The following ST6GALNAC5 variants were observed in gnomAD, a reference collection of about 807,000 sequenced individuals.
ST6GALNAC5 encodes the protein alpha-N-acetylgalactosaminide alpha-2,6-sialyltransferase 5.
Under a neutral mutation model 33.6 loss-of-function variants are expected in ST6GALNAC5, and 27 were observed. The observed-to-expected ratio is 0.80, with a 90% CI of 0.59 to 1.11. The LOEUF (loss-of-function observed/expected upper bound fraction) is 1.11, where lower values mean the gene tolerates loss of function less well. ST6GALNAC5 is among the 50% of genes least tolerant of loss of function. The probability of loss-of-function intolerance (pLI) is 0.00; values close to 1 mark genes in which losing one functional copy is unlikely to be tolerated. For missense variants in ST6GALNAC5, 428 were observed against 454.0 expected (o/e 0.94, Z 0.52); for synonymous variants, 194 against 171.2 (o/e 1.13, Z -1.04).
chr1:76,960,791 G>C (rs1052333843), intron 2 of ST6GALNAC5, among the ~76,000 whole-genome samples: 3 of 152,192 alleles, frequency 2.0e-5, no homozygotes, highest in African/African-American at 4.8e-5. Flanking sequence ...CTCACCAGCG[G>C]TCAGAGTTTA....
chr1:77,057,079 C>A (rs1168586230), intron 4 of ST6GALNAC5, among the ~76,000 whole-genome samples: 1 of 152,206 alleles, frequency 6.6e-6, no homozygotes, highest in African/African-American at 2.4e-5. Flanking sequence ...ATTAATTCAA[C>A]TCTATTCTCT....
chr1:76,997,145 A>G (rs1248159213), intron 2 of ST6GALNAC5, among the ~76,000 whole-genome samples: 1 of 152,208 alleles, frequency 6.6e-6, no homozygotes, highest in Admixed American at 6.5e-5. Flanking sequence ...TGCTTTTTTC[A>G]TAGTAGATGA....
At chr1:76,901,929 A>G (rs1404378667) in intron 2 of ST6GALNAC5, among the ~76,000 whole-genome samples, 1 of 152,180 alleles carries the variant, frequency 6.6e-6, no homozygotes, top group Non-Finnish European at 1.5e-5. Context: ...TGCACAGTCA[A>G]CTGAGAAAGT....
intron 2 of ST6GALNAC5, among the ~76,000 whole-genome samples, chr1:76,918,558 C>T (rs759546956): frequency 4.3e-5 from 6 of 138,718 alleles, no homozygotes; most frequent in Non-Finnish European, 9.1e-5. Context: ...GCAGAGCTTG[C>T]AGTGAGCCGA....
chr1:76,929,022 G>C (rs556378039), intron 2 of ST6GALNAC5, among the ~76,000 whole-genome samples: 1 of 152,232 alleles, frequency 6.6e-6, no homozygotes, highest in Admixed American at 6.5e-5. Flanking sequence ...ACGGAGGCCA[G>C]CTTCCTTCAA....
intron 2 of ST6GALNAC5, among the ~76,000 whole-genome samples, chr1:76,985,042 A>T (rs546637267): frequency 1.2e-4 from 18 of 152,292 alleles, no homozygotes; most frequent in Admixed American, 5.2e-4. Context: ...TTTATGACAA[A>T]CCCACACCCA....
chr1:77,014,757 T>C lies in ST6GALNAC5; in HGVS notation c.262-29447T>C, dbSNP rs988131268. On this transcript the variant is annotated intron_variant, in intron 2 of 4. Coordinates refer to ENST00000477717, the MANE Select transcript of ST6GALNAC5 (RefSeq NM_030965.3). ...CACACTGGGACCTGATAAAAGCCTC[T>C]GGTACTTGAGATGAACCACTAGACA... 2.0e-5 allele frequency among the ~76,000 whole-genome samples: 3 copies of C among 152,164 alleles called. No homozygotes were observed. In the East Asian group the frequency reaches 5.8e-4, roughly 29 times the overall value.
At chr1:76,961,230 G>T (rs905146334) in intron 2 of ST6GALNAC5, among the ~76,000 whole-genome samples, 1 of 152,128 alleles carries the variant, frequency 6.6e-6, no homozygotes, top group Admixed American at 6.5e-5. Context: ...CCCAGATCCT[G>T]CCCGAAGTTG....
intron 2 of ST6GALNAC5, among the ~76,000 whole-genome samples, chr1:76,996,330 A>C (rs557902180): frequency 6.6e-6 from 1 of 152,294 alleles, no homozygotes; most frequent in African/African-American, 2.4e-5. Flanking sequence ...CTCACAACAG[A>C]GATGTATTAA....
At chr1:76,903,757 A>T (rs1570656324) in intron 2 of ST6GALNAC5, among the ~76,000 whole-genome samples, 1 of 152,332 alleles carries the variant, frequency 6.6e-6, no homozygotes, top group East Asian at 1.9e-4. Context: ...AGATGCTACA[A>T]TAAGAAGGAA....
chr1:76,986,505 C>T (rs1202221776), intron 2 of ST6GALNAC5, among the ~76,000 whole-genome samples: 1 of 152,150 alleles, frequency 6.6e-6, no homozygotes, highest in Non-Finnish European at 1.5e-5. Flanking sequence ...ATTAAAAAGT[C>T]AGGAAACAAT....
chr1:76,962,898 G>A (rs987204955), intron 2 of ST6GALNAC5, among the ~76,000 whole-genome samples: 2 of 152,130 alleles, frequency 1.3e-5, no homozygotes, highest in African/African-American at 4.8e-5. Flanking sequence ...ATTCTTTACT[G>A]TTTACCAAGA....
chr1:76,907,934 A>G (rs1233484464), intron 2 of ST6GALNAC5, among the ~76,000 whole-genome samples: 1 of 152,142 alleles, frequency 6.6e-6, no homozygotes, highest in African/African-American at 2.4e-5. Context: ...GGTGCATTAT[A>G]TTTATGCGAA....
chr1:76,948,055 A>C (rs1647593278), intron 2 of ST6GALNAC5, among the ~76,000 whole-genome samples: 1 of 152,122 alleles, frequency 6.6e-6, no homozygotes, highest in South Asian at 2.1e-4. Context: ...TAACACACTA[A>C]GTTTATTCTA....
chr1:76,990,786 T>C (rs948169030), intron 2 of ST6GALNAC5, among the ~76,000 whole-genome samples: 6 of 152,208 alleles, frequency 3.9e-5, no homozygotes, highest in African/African-American at 1.4e-4. Flanking sequence ...ATAAAGGGAC[T>C]ACTAATTCAT....
rs74090583 is a variant in ST6GALNAC5 at position 77,021,180 on chromosome 1, A to G, written c.262-23024A>G. Among the ~76,000 whole-genome samples, 1,468 of 152,312 alleles carry G rather than the reference A, an allele frequency of 9.6e-3. 30 individuals are homozygous for G. Among genetic ancestry groups the G allele is most frequent in the African/African-American group, 0.034 (1,412 of 41,556 alleles). On this transcript the variant is annotated intron_variant, in intron 2 of 4. Coordinates refer to ENST00000477717, the MANE Select transcript of ST6GALNAC5 (RefSeq NM_030965.3). ...GAAAAACTTCAAATCAGTCTTTTTT[A>G]AAAAAGTAGTCAAACCAGTCTCTTT...
intron 4 of ST6GALNAC5, among the ~76,000 whole-genome samples, chr1:77,053,315 G>A (rs1414117540): frequency 6.6e-6 from 1 of 152,198 alleles, no homozygotes; most frequent in Non-Finnish European, 1.5e-5. Context: ...TGTGGTGGCA[G>A]AGCTCACATT....
chr1:76,986,621 A>G lies in ST6GALNAC5; in HGVS notation c.262-57583A>G, dbSNP rs191847267. The stretch of plus-strand genomic sequence containing the variant: ...CAGTGTGGTGATTCCTCAAGGATCT[A>G]GAACTAGAATTACCATTTGACCCAG... On this transcript the variant is annotated intron_variant, in intron 2 of 4. Coordinates refer to ENST00000477717, the MANE Select transcript of ST6GALNAC5 (RefSeq NM_030965.3). Among the ~76,000 whole-genome samples, 39 of 152,358 alleles carry G rather than the reference A, an allele frequency of 2.6e-4. No homozygotes were observed. The East Asian group carries it at 7.5e-3, about 29-fold the overall frequency.
At chr1:77,047,362 G>C (rs1652053733) in intron 3 of ST6GALNAC5, among the ~76,000 whole-genome samples, 1 of 152,208 alleles carries the variant, frequency 6.6e-6, no homozygotes. Context: ...AGGGTGTAAT[G>C]GTATTTCTCA....
Sources: gnomAD v4.1 joint callset for allele counts (sites outside exome capture counted in the v4.1 genomes callset) on GRCh38, gnomAD v4.1.1 for gene constraint, MANE v1.5 for transcripts, NCBI Gene and HGNC (gene_info 2026-07-23, HGNC 2026-07-21) for gene names.